Variants in LOC128092252 observed in about 807,000 individuals in gnomAD.
At chr15:50,649,538 T>G in the LOC128092252 span, among the ~76,000 whole-genome samples, 1 of 151,830 alleles carries the variant, frequency 6.6e-6, no homozygotes, top group African/African-American at 2.4e-5. Flanking sequence ...AATCTCAAAA[T>G]CATCATACTG....
the LOC128092252 span, among the ~76,000 whole-genome samples, chr15:50,680,974 C>T: frequency 1.3e-5 from 2 of 151,800 alleles, no homozygotes; most frequent in Non-Finnish European, 2.9e-5. Context: ...TGTAAAGTGT[C>T]GGGCGAGGTG....
At chr15:50,679,342 C>A in the LOC128092252 span, among the ~76,000 whole-genome samples, 75,097 of 142,812 alleles carry the variant, frequency 0.53, 19,802 homozygotes, top group Admixed American at 0.6. Flanking sequence ...CCAAAAAAAA[C>A]AAAACAGAAA....
the LOC128092252 span, among the ~76,000 whole-genome samples, chr15:50,678,875 A>C: frequency 3.1e-5 from 1 of 32,426 alleles, no homozygotes; most frequent in Admixed American, 4.4e-4. Flanking sequence ...TGCAAAAACA[A>C]AAAAAAAAAT....
the LOC128092252 span, among the ~76,000 whole-genome samples, chr15:50,675,347 A>G: frequency 2.0e-5 from 3 of 152,214 alleles, no homozygotes; most frequent in South Asian, 6.2e-4. Context: ...CCATTTCAAA[A>G]AAAAAAAAAG....
At chr15:50,669,428 C>A in the LOC128092252 span, among the ~76,000 whole-genome samples, 1 of 151,930 alleles carries the variant, frequency 6.6e-6, no homozygotes, top group East Asian at 1.9e-4. Context: ...GAGTGAGACT[C>A]TGTCTCAAAA....
the LOC128092252 span, among the ~76,000 whole-genome samples, chr15:50,654,884 C>T: frequency 6.7e-6 from 1 of 149,928 alleles, no homozygotes; most frequent in East Asian, 2.0e-4. Flanking sequence ...ACCTGTAGTC[C>T]CAGCTACTCG....
the LOC128092252 span, among the ~76,000 whole-genome samples, chr15:50,652,328 C>CAAAAAAAAAAAAAAAAAA: frequency 8.8e-5 from 3 of 34,226 alleles, no homozygotes; most frequent in African/African-American, 2.9e-4. Context: ...GACTCCATCT[C>CAAAAAAAAAAAAAAAAAA]AAAAAAAAAA....
At chr15:50,674,680 T>G in the LOC128092252 span, among the ~76,000 whole-genome samples, 1 of 152,204 alleles carries the variant, frequency 6.6e-6, no homozygotes, top group African/African-American at 2.4e-5. Context: ...ACCTTGTCTT[T>G]CAGCTTGAAG....
At chr15:50,666,565 A>G in the LOC128092252 span, among the ~76,000 whole-genome samples, 1 of 152,120 alleles carries the variant, frequency 6.6e-6, no homozygotes, top group South Asian at 2.1e-4. Flanking sequence ...GCACTTTGGG[A>G]GGCTGAGGCG....
chr15:50,663,487 G>T, the LOC128092252 span, among the ~76,000 whole-genome samples: 1 of 152,088 alleles, frequency 6.6e-6, no homozygotes, highest in Non-Finnish European at 1.5e-5. Flanking sequence ...ATAATCTGAG[G>T]ATGGCACCCC....
chr15:50,671,602 A>C, the LOC128092252 span, among the ~76,000 whole-genome samples: 3 of 151,942 alleles, frequency 2.0e-5, no homozygotes, highest in Non-Finnish European at 2.9e-5. Context: ...TGAGGCCAGG[A>C]GTTCAAGACC....
At chr15:50,686,666 T>G in the LOC128092252 span, 3 of 1,238,312 alleles carry the variant, frequency 2.4e-6, no homozygotes, top group Non-Finnish European at 2.2e-6. Flanking sequence ...CAGGGAAACC[T>G]TCTCAGAACT....
the LOC128092252 span, among the ~76,000 whole-genome samples, chr15:50,682,132 C>A: frequency 1.4e-5 from 2 of 138,892 alleles, no homozygotes; most frequent in Non-Finnish European, 3.0e-5. Flanking sequence ...GAGCCGACAT[C>A]GCGCCACCGC....
At chr15:50,679,259 T>G in the LOC128092252 span, among the ~76,000 whole-genome samples, 1 of 150,316 alleles carries the variant, frequency 6.7e-6, no homozygotes, top group South Asian at 2.1e-4. Context: ...CACTTGAGCC[T>G]AGGAGGTTGG....
chr15:50,667,683 G>A, the LOC128092252 span, among the ~76,000 whole-genome samples: 1 of 152,212 alleles, frequency 6.6e-6, no homozygotes, highest in Admixed American at 6.6e-5. Context: ...CTCCAGCCTG[G>A]GCAACAGAAG....
chr15:50,655,151 C>T, the LOC128092252 span, among the ~76,000 whole-genome samples: 1 of 137,336 alleles, frequency 7.3e-6, no homozygotes, highest in Non-Finnish European at 1.6e-5. Flanking sequence ...AAAAAAACTT[C>T]CTGGCCAAAT....
the LOC128092252 span, among the ~76,000 whole-genome samples, chr15:50,673,062 GTTAAT>G: frequency 2.9e-3 from 425 of 144,892 alleles, 6 homozygotes; most frequent in Admixed American, 0.023. Context: ...GTAAGCTAGC[GTTAAT>G]TTATTATTGA....
At chr15:50,676,980 T>G in the LOC128092252 span, among the ~76,000 whole-genome samples, 1 of 152,152 alleles carries the variant, frequency 6.6e-6, no homozygotes, top group Non-Finnish European at 1.5e-5. Context: ...CTGCCCATTG[T>G]AGGAGAGACA....
chr15:50,653,606 G>T, the LOC128092252 span, among the ~76,000 whole-genome samples: 5 of 152,260 alleles, frequency 3.3e-5, no homozygotes, highest in South Asian at 1.0e-3. Flanking sequence ...GCACCAGCTT[G>T]GGGGCAATTT....
Sources: gnomAD v4.1 joint callset for allele counts (sites outside exome capture counted in the v4.1 genomes callset) on GRCh38, gnomAD v4.1.1 for gene constraint, MANE v1.5 for transcripts.